The following PPARG variants were observed in gnomAD, a reference collection of about 807,000 sequenced individuals.
PPARG encodes peroxisome proliferator-activated receptor gamma.
Under a neutral mutation model 39.2 loss-of-function variants are expected in PPARG, and 17 were observed. The observed-to-expected ratio is 0.43, with a 90% CI of 0.30 to 0.65. PPARG has a LOEUF of 0.65. Among genes scored for constraint, PPARG ranks in the 30% least tolerant of loss-of-function variants. The pLI, the probability that PPARG is intolerant of heterozygous loss-of-function variation, is 0.13. For missense variants in PPARG, 406 were observed against 585.9 expected (o/e 0.69, Z 3.17); for synonymous variants, 223 against 215.7 (o/e 1.03, Z -0.30).
At chr3:12,326,206 C>T (rs114825300) in intron 2 of PPARG, among the ~76,000 whole-genome samples, 2,443 of 152,184 alleles carry the variant, frequency 0.016, 66 homozygotes, top group African/African-American at 0.055. Context: ...TATGGTAGAT[C>T]GAGTTGTAAA....
chr3:12,314,697 T>C (rs12487012), intron 2 of PPARG, among the ~76,000 whole-genome samples: 38,368 of 152,062 alleles, frequency 0.25, 4,958 homozygotes, highest in East Asian at 0.33. Flanking sequence ...TGCATGACAA[T>C]TAAATGCAAT....
At chr3:12,342,017 C>A (rs1423172208) in intron 2 of PPARG, among the ~76,000 whole-genome samples, 2 of 152,104 alleles carry the variant, frequency 1.3e-5, no homozygotes, top group African/African-American at 4.8e-5. Flanking sequence ...AGTAACTGTA[C>A]AATGGAGAGA....
intron 4 of PPARG, among the ~76,000 whole-genome samples, chr3:12,389,365 G>A (rs1279772519): frequency 6.6e-6 from 1 of 152,154 alleles, no homozygotes; most frequent in Non-Finnish European, 1.5e-5. Flanking sequence ...AAGCCGTAAT[G>A]CATAAACAAC....
intron 2 of PPARG, chr3:12,328,345 G>GA: frequency 1.3e-6 from 1 of 766,256 alleles, no homozygotes; most frequent in Non-Finnish European, 2.2e-6. Flanking sequence ...AGTCTCTGCA[G>GA]GGAAACAGCT....
intron 2 of PPARG, among the ~76,000 whole-genome samples, chr3:12,317,540 G>C (rs572257934): frequency 6.6e-6 from 1 of 152,142 alleles, no homozygotes; most frequent in South Asian, 2.1e-4. Flanking sequence ...CATAATCTTA[G>C]TGATAGCACG....
Position 12,434,075 on chromosome 3 carries a change from T to C in PPARG, c.1358T>C (p.Val453Ala). 5 of 1,614,128 alleles carry C rather than the reference T, an allele frequency of 3.1e-6. No homozygotes were observed. The highest frequency in any genetic ancestry group is 4.2e-6 in the Non-Finnish European group (5 of 1,180,020). The stretch of plus-strand genomic sequence containing the variant: ...ACGGAACACGTGCAGCTACTGCAGG[T>C]GATCAAGAAGACGGAGACAGACATG... Reference protein sequence around the residue: ...IVTEHVQLLQVIKKTETDMSL... With the variant: ...IVTEHVQLLQAIKKTETDMSL... Residue 453 changes from valine (V) to alanine (A), a missense_variant, in exon 8 of 8, where the codon GTG (valine) becomes GCG (alanine). Physicochemically the swap from Val to Ala is moderately conservative, Grantham distance 64. Transcript: ENST00000651735. The surrounding 1 kb of genome is among the most constrained non-coding windows in gnomAD (Gnocchi z 4.2).
intron 1 of PPARG, among the ~76,000 whole-genome samples, chr3:12,310,032 C>T (rs1401993939): frequency 6.6e-6 from 1 of 152,180 alleles, no homozygotes; most frequent in African/African-American, 2.4e-5. Context: ...TTGGTGTCTA[C>T]TCCCCCCAGA....
chr3:12,417,209 C>T, intron 7 of PPARG, 55 bp downstream of exon 7: 1 of 1,566,410 alleles, frequency 6.4e-7, no homozygotes, highest in Non-Finnish European at 8.7e-7. Flanking sequence ...GGTGGGGTGG[C>T]CAAAAGAATT....
At chr3:12,349,407 A>G (rs1559502684) in intron 2 of PPARG, among the ~76,000 whole-genome samples, 1 of 152,272 alleles carries the variant, frequency 6.6e-6, no homozygotes, top group African/African-American at 2.4e-5. Context: ...TATCATTAAC[A>G]TAAAATATGA....
intron 1 of PPARG, among the ~76,000 whole-genome samples, chr3:12,308,296 A>T (rs1384981637): frequency 1.4e-5 from 2 of 145,150 alleles, no homozygotes; most frequent in Admixed American, 1.4e-4. Flanking sequence ...GTGAACCATG[A>T]TCACACCACT....
At chr3:12,410,384 C>T (rs2050840751) in intron 6 of PPARG, among the ~76,000 whole-genome samples, 1 of 152,182 alleles carries the variant, frequency 6.6e-6, no homozygotes, top group East Asian at 1.9e-4. Context: ...TCACATGATC[C>T]CATGTTTGTT....
intron 2 of PPARG, among the ~76,000 whole-genome samples, chr3:12,348,557 TGTG>T (rs1334969691): frequency 6.6e-6 from 1 of 152,206 alleles, no homozygotes; most frequent in Non-Finnish European, 1.5e-5. Context: ...CTGCTGAGGA[TGTG>T]GTGGTGTACT....
At chr3:12,395,396 G>A (rs1031900880) in intron 5 of PPARG, among the ~76,000 whole-genome samples, 1 of 152,110 alleles carries the variant, frequency 6.6e-6, no homozygotes, top group Non-Finnish European at 1.5e-5. Flanking sequence ...CAGCAATTTC[G>A]GGCAGTTGGT....
intron 6 of PPARG, among the ~76,000 whole-genome samples, chr3:12,415,209 A>G (rs1391850793): frequency 1.3e-5 from 2 of 152,150 alleles, no homozygotes; most frequent in African/African-American, 2.4e-5. Context: ...CTCTCCACAC[A>G]TATGCCCACT....
In PPARG at chr3:12,364,351, A is replaced by T. The variant is rs190371980; in HGVS notation, c.-8-15353A>T. Among the ~76,000 whole-genome samples the T allele has an allele frequency of 4.6e-5, 7 of 152,222 alleles. No homozygotes were observed. The East Asian group carries it at 9.6e-4, about 21-fold the overall frequency. On this transcript the variant is annotated intron_variant, in intron 2 of 7. Coordinates refer to ENST00000651735, the MANE Select transcript of PPARG (RefSeq NM_138711.6). ...TGACTTCTTTCACTTACCAATATGC[A>T]CTTAAGGTTCTTCCATGTCTTTCCA...
At chr3:12,375,588 G>C (rs2049377854) in intron 2 of PPARG, among the ~76,000 whole-genome samples, 1 of 152,162 alleles carries the variant, frequency 6.6e-6, no homozygotes, top group Non-Finnish European at 1.5e-5. Context: ...GTTATACTAA[G>C]AAAAGTAGAT....
chr3:12,313,134 A>T (rs184672736), intron 2 of PPARG, among the ~76,000 whole-genome samples: 1 of 152,338 alleles, frequency 6.6e-6, no homozygotes, highest in East Asian at 1.9e-4. Flanking sequence ...TAGTTTTAGG[A>T]CTATTGATTT....
chr3:12,362,411 T>C (rs531896514), intron 2 of PPARG, among the ~76,000 whole-genome samples: 2 of 152,052 alleles, frequency 1.3e-5, no homozygotes, highest in Admixed American at 1.3e-4. Context: ...CCCAGCTACT[T>C]GGGAGGCTGA....
At chr3:12,404,455 G>A (rs1286309493) in intron 5 of PPARG, among the ~76,000 whole-genome samples, 2 of 152,174 alleles carry the variant, frequency 1.3e-5, no homozygotes, top group Admixed American at 6.5e-5. Context: ...GAAAGTTGTC[G>A]TGTGCTGTCA....
Sources: gnomAD v4.1 joint callset for allele counts (sites outside exome capture counted in the v4.1 genomes callset) on GRCh38, gnomAD v4.1.1 for gene constraint, Gnocchi (gnomAD v3.1) non-coding constraint, MANE v1.5 for transcripts, NCBI Gene and HGNC (gene_info 2026-07-23, HGNC 2026-07-21) for gene names.